Variants in NSMAF observed in about 807,000 individuals in gnomAD.
NSMAF encodes protein FAN.
NSMAF carries 90 observed loss-of-function variants against 134.9 expected under a neutral mutation model. That is an observed-to-expected ratio of 0.67 (90% confidence interval 0.56 to 0.79). The LOEUF (loss-of-function observed/expected upper bound fraction) is 0.79, where lower values mean the gene tolerates loss of function less well. Ranked by LOEUF, NSMAF falls within the 30% of genes least tolerant of loss-of-function variation. The probability of loss-of-function intolerance (pLI) is 0.00; values close to 1 mark genes in which losing one functional copy is unlikely to be tolerated. For missense variants in NSMAF, 1,010 were observed against 1,119.0 expected, an observed-to-expected ratio of 0.90 and a Z score of 1.39; for synonymous variants, 358 against 389.6, an observed-to-expected ratio of 0.92 and a Z score of 0.96.
At position 58,649,859 on chromosome 8, in the gene NSMAF, C is replaced by T. The variant is rs576321687; in HGVS notation, c.60-6786G>A. ...CCTGTACAGCCTGCAGAACTGTGAGCCCATTAAACCTCTCTTGAATTAGCA... is the reference window on the plus strand; with the variant it reads ...CCTGTACAGCCTGCAGAACTGTGAGTCCATTAAACCTCTCTTGAATTAGCA... On this transcript the variant is annotated intron_variant, in intron 1 of 30. Coordinates refer to ENST00000038176, the MANE Select transcript of NSMAF (RefSeq NM_003580.4). Among the ~76,000 whole-genome samples, 4 of 152,282 alleles carry T rather than the reference C, an allele frequency of 2.6e-5. No homozygotes were observed. In the South Asian group the frequency reaches 6.2e-4, roughly 24 times the overall value.
intron 1 of NSMAF, among the ~76,000 whole-genome samples, chr8:58,648,364 T>C (rs1807509617): frequency 6.6e-6 from 1 of 152,198 alleles, no homozygotes; most frequent in South Asian, 2.1e-4. Context: ...CATAAAACTC[T>C]GGGAAATTTG....
At chr8:58,608,363 T>C (rs1279010022) in intron 10 of NSMAF, among the ~76,000 whole-genome samples, 1 of 152,022 alleles carries the variant, frequency 6.6e-6, no homozygotes. Context: ...AAGAAGAAAA[T>C]TGTCTTGCTT....
chr8:58,659,540 C>CCCGG, intron 1 of NSMAF, 33 bp downstream of exon 1: 1 of 1,523,466 alleles, frequency 6.6e-7, no homozygotes. Flanking sequence ...CGACTAGGCC[C>CCCGG]CCGGCTGGGC....
In NSMAF at chr8:58,601,334, G is replaced by A; in HGVS notation, c.1231C>T (p.Leu411=). 6 of 1,613,838 alleles carry A rather than the reference G, an allele frequency of 3.7e-6. No individual in the cohort carries two copies. Among genetic ancestry groups the A allele is most frequent in the Non-Finnish European group, 5.1e-6 (6 of 1,179,812 alleles). The change falls in exon 16 of 31, where the codon CTG becomes TTG. Residue 411 remains leucine, a synonymous_variant. Coordinates refer to ENST00000038176, the MANE Select transcript of NSMAF (RefSeq NM_003580.4). ...TCAAATCTTCCATTCTGCAGGCACA[G>A]CATATACTCTGGTGCTAGAGGGGAA... ...YLVRIAPEYM[L]CLQNGRFDNA... is the part of the protein sequence containing the mutation.
intron 6 of NSMAF, among the ~76,000 whole-genome samples, chr8:58,628,947 C>T (rs1330162709): frequency 6.6e-6 from 1 of 152,180 alleles, no homozygotes; most frequent in Non-Finnish European, 1.5e-5. Context: ...TGTGACCAGA[C>T]ACTTTTCTCT....
intron 1 of NSMAF, among the ~76,000 whole-genome samples, chr8:58,643,798 T>C (rs1585762300): frequency 6.6e-6 from 1 of 152,162 alleles, no homozygotes; most frequent in Non-Finnish European, 1.5e-5. Context: ...CCCAAAGTGC[T>C]GGGATTACAA....
chr8:58,592,908 C>CAAAAAAA (rs201173954), intron 23 of NSMAF, among the ~76,000 whole-genome samples: 2 of 111,572 alleles, frequency 1.8e-5, no homozygotes, highest in East Asian at 3.0e-4. Flanking sequence ...AAAACAAAAA[C>CAAAAAAA]AACAACAACA....
chr8:58,622,476 C>A (rs1806810086), intron 9 of NSMAF, among the ~76,000 whole-genome samples: 1 of 152,044 alleles, frequency 6.6e-6, no homozygotes, highest in Admixed American at 6.5e-5. Flanking sequence ...TCACTGCAAC[C>A]TCCGCTTCCC....
chr8:58,609,742 AGG>A lies in NSMAF; in HGVS notation c.558-11_558-10del, dbSNP rs1280648866. 2 of 1,613,486 alleles carry A rather than the reference AGG, an allele frequency of 1.2e-6. No homozygotes were observed. Among genetic ancestry groups the A allele is most frequent in the African/African-American group, 2.7e-5 (2 of 74,924 alleles). On this transcript the variant is annotated splice_polypyrimidine_tract_variant and intron_variant, in intron 9 of 30. Transcript: ENST00000038176. ...CAGAAATGTTTTGGAACCTGAAAATAGGTTTTTCAGCAAAAGTAAGAAAAATC... is the reference window on the plus strand; with the variant it reads ...CAGAAATGTTTTGGAACCTGAAAATATTTTTCAGCAAAAGTAAGAAAAATC...
intron 1 of NSMAF, 87 bp downstream of exon 1, chr8:58,659,486 C>T (rs1282709967): frequency 6.0e-6 from 9 of 1,500,622 alleles, no homozygotes; most frequent in Non-Finnish European, 8.0e-6. Flanking sequence ...CCCACGCCGC[C>T]TCCCGTCCCT....
intron 26 of NSMAF, chr8:58,588,330 T>C (rs918230598): frequency 5.3e-6 from 4 of 757,044 alleles, no homozygotes; most frequent in Non-Finnish European, 8.9e-6. Flanking sequence ...TAACTTGACA[T>C]TTTCTTTTTT....
chr8:58,620,542 T>C (rs1806763273), intron 9 of NSMAF, among the ~76,000 whole-genome samples: 1 of 152,216 alleles, frequency 6.6e-6, no homozygotes, highest in African/African-American at 2.4e-5. Context: ...TAATGGCCTT[T>C]TATTGTATCA....
chr8:58,597,490 T>C lies in NSMAF; in HGVS notation c.1689A>G (p.Thr563=), dbSNP rs1419580603. 4.3e-5 allele frequency: 69 copies of C among 1,614,090 alleles called. No homozygotes were observed. The highest frequency in any genetic ancestry group is 5.5e-5 in the Non-Finnish European group (65 of 1,180,012). ...MLTQILEFGQ[T]PKQLFVTPHP... ...GTGGTGTCACAAATAGTTGTTTTGG[T>C]GTCTGCCCAAATTCCAAGATTTGCG... The change falls in exon 21 of 31, where the codon ACA becomes ACG. Residue 563 remains threonine (T), a synonymous_variant. Transcript: ENST00000038176.
intron 7 of NSMAF, 73 bp from the exon 8 acceptor site, chr8:58,623,497 A>G: frequency 7.0e-7 from 1 of 1,424,502 alleles, no homozygotes; most frequent in Non-Finnish European, 9.9e-7. Flanking sequence ...AGAAGCAATG[A>G]GAAACAGCAA....
At chr8:58,649,892 G>A (rs1359742353) in intron 1 of NSMAF, among the ~76,000 whole-genome samples, 3 of 152,226 alleles carry the variant, frequency 2.0e-5, no homozygotes, top group East Asian at 1.9e-4. Flanking sequence ...GCAGCATGAC[G>A]TTCATGCTGG....
At chr8:58,618,059 G>A (rs1454775827) in intron 9 of NSMAF, among the ~76,000 whole-genome samples, 1 of 152,128 alleles carries the variant, frequency 6.6e-6, no homozygotes, top group African/African-American at 2.4e-5. Context: ...ACTATCGCAA[G>A]GACAGCAAGC....
At chr8:58,589,847 T>C (rs1805982267) in intron 25 of NSMAF, 160 bp downstream of exon 25, 1 of 622,690 alleles carries the variant, frequency 1.6e-6, no homozygotes, top group African/African-American at 1.9e-5. Flanking sequence ...TAAGCAATCA[T>C]ATTCAAATCC....
At chr8:58,607,411 A>C (rs1468180318) in intron 11 of NSMAF, among the ~76,000 whole-genome samples, 1 of 152,212 alleles carries the variant, frequency 6.6e-6, no homozygotes, top group African/African-American at 2.4e-5. Context: ...TTTTGCTTTG[A>C]GACCTAGCTG....
At chr8:58,591,917 T>C (rs1806030437) in intron 23 of NSMAF, among the ~76,000 whole-genome samples, 1 of 150,172 alleles carries the variant, frequency 6.7e-6, no homozygotes, top group Non-Finnish European at 1.5e-5. Flanking sequence ...GATCTTTAAA[T>C]AATTTCTTCT....
Sources: allele counts gnomAD v4.1 joint callset (sites outside exome capture counted in the v4.1 genomes callset), GRCh38; gene constraint gnomAD v4.1.1; transcripts MANE v1.5; gene names NCBI Gene and HGNC (gene_info 2026-07-23, HGNC 2026-07-21).